The following MCTP1 variants were observed in gnomAD, a reference collection of about 807,000 sequenced individuals.
MCTP1 encodes the protein multiple C2 and transmembrane domain-containing protein 1.
A neutral mutation model predicts 120.6 loss-of-function variants in MCTP1; 69 were observed. The observed-to-expected ratio is 0.57, with a 90% CI of 0.47 to 0.70. The LOEUF (loss-of-function observed/expected upper bound fraction) is 0.70. Ranked by LOEUF, MCTP1 falls within the 30% of genes least tolerant of loss-of-function variation. The pLI, the probability that MCTP1 is intolerant of heterozygous loss-of-function variation, is 0.00. For missense variants in MCTP1, 1,203 were observed against 1,248.8 expected (o/e 0.96, Z 0.55); for synonymous variants, 529 against 493.1 (o/e 1.07, Z -0.96).
intron 18 of MCTP1, among the ~76,000 whole-genome samples, chr5:94,780,389 T>A (rs984158647): frequency 9.4e-5 from 14 of 149,704 alleles, no homozygotes; most frequent in African/African-American, 3.2e-4. Flanking sequence ...TTCCTAATAA[T>A]TTTTCTCAAA....
chr5:94,762,769 T>C (rs1771643651), intron 19 of MCTP1, among the ~76,000 whole-genome samples: 1 of 152,236 alleles, frequency 6.6e-6, no homozygotes, highest in African/African-American at 2.4e-5. Flanking sequence ...TTCCTAGTCT[T>C]AGCTTCTTTG....
At chr5:95,034,881 A>G (rs1027916858) in intron 1 of MCTP1, among the ~76,000 whole-genome samples, 1 of 152,054 alleles carries the variant, frequency 6.6e-6, no homozygotes, top group Non-Finnish European at 1.5e-5. Context: ...CAAGAAAAAT[A>G]TAAATAACTC....
chr5:94,886,118 C>T (rs1801280104), intron 12 of MCTP1, among the ~76,000 whole-genome samples: 1 of 152,172 alleles, frequency 6.6e-6, no homozygotes, highest in Admixed American at 6.5e-5. Context: ...TAGTAGTGTT[C>T]AGCTGAACAA....
intron 1 of MCTP1, among the ~76,000 whole-genome samples, chr5:95,043,280 G>A (rs1184269783): frequency 1.3e-5 from 2 of 152,180 alleles, no homozygotes; most frequent in African/African-American, 4.8e-5. Context: ...TTTATAATCT[G>A]GTATTAACAC....
chr5:94,998,384 C>T (rs1336227145), intron 2 of MCTP1, among the ~76,000 whole-genome samples: 1 of 152,176 alleles, frequency 6.6e-6, no homozygotes, highest in Non-Finnish European at 1.5e-5. Context: ...TGGTCATGGA[C>T]TCCTGCATTG....
chr5:94,720,482 C>T (rs1348220597), intron 19 of MCTP1, among the ~76,000 whole-genome samples: 1 of 151,842 alleles, frequency 6.6e-6, no homozygotes, highest in Non-Finnish European at 1.5e-5. Flanking sequence ...ATAGTACATA[C>T]AATTGATAGA....
chr5:94,911,819 A>G (rs534218693), intron 9 of MCTP1, among the ~76,000 whole-genome samples: 1 of 152,144 alleles, frequency 6.6e-6, no homozygotes, highest in East Asian at 1.9e-4. Context: ...TATAATTGAT[A>G]CTATACGATA....
At chr5:94,823,167 T>C (rs1439679748) in intron 17 of MCTP1, among the ~76,000 whole-genome samples, 1 of 152,188 alleles carries the variant, frequency 6.6e-6, no homozygotes. Context: ...TCTTCCAGGG[T>C]TTTTATGGTT....
chr5:95,073,471 G>T (rs1421865252), intron 1 of MCTP1, among the ~76,000 whole-genome samples: 1 of 152,176 alleles, frequency 6.6e-6, no homozygotes, highest in African/African-American at 2.4e-5. Flanking sequence ...GAGTGGGGAA[G>T]TAACTGACTG....
chr5:95,032,062 C>T (rs547833778), intron 1 of MCTP1, among the ~76,000 whole-genome samples: 1 of 152,224 alleles, frequency 6.6e-6, no homozygotes, highest in African/African-American at 2.4e-5. Flanking sequence ...TATATATGCA[C>T]TCAATGTTGG....
chr5:95,139,406 C>A (rs331554), intron 1 of MCTP1, among the ~76,000 whole-genome samples: 46,243 of 152,062 alleles, frequency 0.3, 7,406 homozygotes, highest in East Asian at 0.57. Flanking sequence ...AAGATCTAAA[C>A]ATTGCACCAT....
intron 12 of MCTP1, among the ~76,000 whole-genome samples, chr5:94,885,696 A>G (rs1801169285): frequency 6.9e-6 from 1 of 145,714 alleles, no homozygotes; most frequent in South Asian, 2.3e-4. Context: ...ACGCGGGGCC[A>G]GACAGTCTCT....
At chr5:95,062,985 A>T (rs1749664447) in intron 1 of MCTP1, among the ~76,000 whole-genome samples, 1 of 151,806 alleles carries the variant, frequency 6.6e-6, no homozygotes, top group Non-Finnish European at 1.5e-5. Context: ...CGCCCAGCTA[A>T]TTTTTTATTT....
chr5:95,006,325 G>GTA (rs1834748594), intron 2 of MCTP1, among the ~76,000 whole-genome samples: 1 of 150,906 alleles, frequency 6.6e-6, no homozygotes, highest in African/African-American at 2.4e-5. Flanking sequence ...GTATGTATAT[G>GTA]TATATATATG....
chr5:95,252,757 T>C (rs1480113147), intron 1 of MCTP1, among the ~76,000 whole-genome samples: 1 of 152,116 alleles, frequency 6.6e-6, no homozygotes. Context: ...CTAATTTTCC[T>C]ATTAAGAATG....
At chr5:95,138,997 G>A (rs1759684715) in intron 1 of MCTP1, among the ~76,000 whole-genome samples, 1 of 152,116 alleles carries the variant, frequency 6.6e-6, no homozygotes, top group African/African-American at 2.4e-5. Context: ...AAGGTTGTCA[G>A]TGTGATCTTA....
intron 1 of MCTP1, among the ~76,000 whole-genome samples, chr5:95,123,901 G>A (rs902392570): frequency 2.0e-5 from 3 of 152,000 alleles, no homozygotes; most frequent in Non-Finnish European, 2.9e-5. Context: ...CGCCCGCCTC[G>A]GCCTCTCAAA....
At chr5:95,154,457 A>G (rs22912) in intron 1 of MCTP1, among the ~76,000 whole-genome samples, 43,319 of 152,066 alleles carry the variant, frequency 0.28, 6,651 homozygotes, top group East Asian at 0.59. Flanking sequence ...GAATGAGATG[A>G]ACTATAAGGG....
intron 17 of MCTP1, among the ~76,000 whole-genome samples, chr5:94,808,237 C>T (rs1178108968): frequency 1.3e-5 from 2 of 152,132 alleles, no homozygotes; most frequent in Non-Finnish European, 2.9e-5. Flanking sequence ...GTTGGTTCCA[C>T]TAAAGCTTTT....
Sources: gnomAD v4.1 joint callset for allele counts (sites outside exome capture counted in the v4.1 genomes callset) on GRCh38, gnomAD v4.1.1 for gene constraint, MANE v1.5 for transcripts, NCBI Gene and HGNC (gene_info 2026-07-23, HGNC 2026-07-21) for gene names.